The following TSGA10 variants were observed in gnomAD, a reference collection of about 807,000 sequenced individuals.
The protein encoded by TSGA10 is testis specific 10, also known as testis-specific gene 10 protein.
A neutral mutation model predicts 96.6 loss-of-function variants in TSGA10; 43 were observed. That is an observed-to-expected ratio of 0.44 (90% CI 0.35 to 0.57). The LOEUF (loss-of-function observed/expected upper bound fraction) is 0.57. Ranked by LOEUF, TSGA10 falls within the 20% of genes least tolerant of loss-of-function variation. The pLI, the probability that TSGA10 is intolerant of heterozygous loss-of-function variation, is 0.01. For missense variants in TSGA10, 703 were observed against 834.4 expected, an observed-to-expected ratio of 0.84 and a Z score of 1.94; for synonymous variants, 229 against 269.9, an observed-to-expected ratio of 0.85 and a Z score of 1.48.
chr2:99,013,830 A>C (rs1558722259), intron 20 of TSGA10, among the ~76,000 whole-genome samples: 1 of 151,880 alleles, frequency 6.6e-6, no homozygotes, highest in Non-Finnish European at 1.5e-5. Context: ...AGCCTGGCCA[A>C]CATGGTGAAA....
intron 15 of TSGA10, among the ~76,000 whole-genome samples, chr2:99,067,078 C>G (rs1370937371): frequency 6.6e-6 from 1 of 152,068 alleles, no homozygotes; most frequent in Non-Finnish European, 1.5e-5. Flanking sequence ...TCTTTCTTAC[C>G]TCTCCTTTAT....
In TSGA10 at chr2:99,087,159, A is replaced by G. The variant is rs567935449; in HGVS notation, c.612-5762T>C. 1.7e-4 allele frequency among the ~76,000 whole-genome samples: 26 copies of G among 151,336 alleles called. 1 individual carries two copies. In the South Asian group the frequency reaches 5.0e-3, roughly 29 times the overall value. On this transcript the variant is annotated intron_variant, in intron 10 of 20. Coordinates refer to ENST00000393483, the MANE Select transcript of TSGA10 (RefSeq NM_025244.4). ...GCAGAGCTTGCAGTGAGCCAAGATC[A>G]TGCCACTGCACTCCAGCCTGGGCGA...
intron 1 of TSGA10, among the ~76,000 whole-genome samples, chr2:99,137,432 G>A (rs892307112): frequency 6.6e-6 from 1 of 152,240 alleles, no homozygotes; most frequent in Non-Finnish European, 1.5e-5. Flanking sequence ...AAAGAAGGGA[G>A]TACTAGATCT....
At chr2:99,013,303 G>T (rs1014274785) in intron 20 of TSGA10, among the ~76,000 whole-genome samples, 2 of 151,512 alleles carry the variant, frequency 1.3e-5, no homozygotes, top group Non-Finnish European at 2.9e-5. Flanking sequence ...CTTAAGATCA[G>T]ATGATGATGA....
intron 12 of TSGA10, among the ~76,000 whole-genome samples, chr2:99,078,226 G>T (rs890283422): frequency 2.7e-5 from 4 of 145,880 alleles, no homozygotes; most frequent in African/African-American, 1.0e-4. Context: ...AGCCGAGATC[G>T]CGCTACTGCA....
At chr2:99,146,371 T>C (rs2093632155) in intron 1 of TSGA10, among the ~76,000 whole-genome samples, 1 of 152,244 alleles carries the variant, frequency 6.6e-6, no homozygotes, top group South Asian at 2.1e-4. Flanking sequence ...TCTCTTTTTA[T>C]TCCAGCCATT....
At chr2:99,123,199 T>C (rs1235577178) in intron 2 of TSGA10, among the ~76,000 whole-genome samples, 1 of 152,204 alleles carries the variant, frequency 6.6e-6, no homozygotes, top group African/African-American at 2.4e-5. Context: ...TTTTAGTGTC[T>C]TGGCATGCAT....
At chr2:99,068,706 C>T (rs892861903) in intron 15 of TSGA10, among the ~76,000 whole-genome samples, 182 bp downstream of exon 15, 3 of 152,070 alleles carry the variant, frequency 2.0e-5, no homozygotes, top group African/African-American at 7.2e-5. Flanking sequence ...ACAAAAGGGG[C>T]ATATTCTCCA....
intron 1 of TSGA10, 34 bp from the exon 2 acceptor site, chr2:99,127,210 T>C: frequency 3.2e-6 from 4 of 1,239,972 alleles, no homozygotes; most frequent in South Asian, 1.4e-5. Flanking sequence ...TACAGAGGCA[T>C]TCAGTTTAAA....
chr2:99,021,092 GGAA>G (rs1217438544), intron 17 of TSGA10, among the ~76,000 whole-genome samples: 1 of 151,550 alleles, frequency 6.6e-6, no homozygotes, highest in East Asian at 1.9e-4. Context: ...TTAAAAAGGA[GGAA>G]GAACAGTCAC....
intron 20 of TSGA10, among the ~76,000 whole-genome samples, chr2:98,999,749 C>T (rs578188294): frequency 2.0e-5 from 3 of 152,154 alleles, no homozygotes; most frequent in African/African-American, 7.2e-5. Context: ...TTTATTTATA[C>T]TGTTCTATTC....
At chr2:99,147,375 A>T in intron 1 of TSGA10, 1 of 1,196,266 alleles carries the variant, frequency 8.4e-7, no homozygotes. Context: ...CTCTTTATGT[A>T]CCTTTATTCT....
chr2:99,096,684 G>A (rs1188751192), intron 10 of TSGA10, among the ~76,000 whole-genome samples: 1 of 151,964 alleles, frequency 6.6e-6, no homozygotes, highest in African/African-American at 2.4e-5. Flanking sequence ...TTTATAAAAT[G>A]TCACATGTTC....
intron 20 of TSGA10, among the ~76,000 whole-genome samples, chr2:99,008,147 T>C (rs1365082124): frequency 6.6e-6 from 1 of 152,030 alleles, no homozygotes; most frequent in African/African-American, 2.4e-5. Context: ...GAGAGAAAGA[T>C]TTGCTAACTG....
chr2:99,032,515 C>A (rs539918516), intron 17 of TSGA10, among the ~76,000 whole-genome samples: 1 of 152,218 alleles, frequency 6.6e-6, no homozygotes, highest in African/African-American at 2.4e-5. Flanking sequence ...ACTTGGAGAC[C>A]AAGCACCCTG....
rs1340800857 is a variant in TSGA10 at position 99,136,613 on chromosome 2, C to T, written c.-620-9437G>A. ...GAGATCGAGACCATCCCGGCTAAAACGGTGAAACCCCGTCTCTACTAAAAA... is the reference window on the plus strand; with the variant it reads ...GAGATCGAGACCATCCCGGCTAAAATGGTGAAACCCCGTCTCTACTAAAAA... On this transcript the variant is annotated intron_variant, in intron 1 of 20. Transcript: ENST00000393483. Among the ~76,000 whole-genome samples, 57 of 35,818 alleles carry T rather than the reference C, an allele frequency of 1.6e-3. 19 individuals carry two copies. Among genetic ancestry groups the T allele is most frequent in the African/African-American group, 3.4e-3 (54 of 15,820 alleles). The allele number at this position is 35,818 out of a possible 152,430, so 23.5% of individuals were successfully genotyped here. A position where few individuals can be genotyped will look rare whatever the true frequency, so the allele number is the denominator to read the frequency against.
chr2:99,006,960 C>A (rs2078542347), intron 20 of TSGA10, among the ~76,000 whole-genome samples: 1 of 152,170 alleles, frequency 6.6e-6, no homozygotes. Context: ...GAATACTATG[C>A]AGCCATAAAA....
intron 7 of TSGA10, 50 bp downstream of exon 7, chr2:99,108,783 C>T (rs775971757): frequency 7.3e-7 from 1 of 1,364,034 alleles, no homozygotes; most frequent in African/African-American, 1.5e-5. Flanking sequence ...AATTACATAA[C>T]TCTAGAACTC....
At chr2:99,006,707 C>T (rs2078512961) in intron 20 of TSGA10, among the ~76,000 whole-genome samples, 1 of 152,182 alleles carries the variant, frequency 6.6e-6, no homozygotes, top group African/African-American at 2.4e-5. Context: ...GGACTGTAAA[C>T]TAGTTCAACC....
Sources: allele counts gnomAD v4.1 joint callset (sites outside exome capture counted in the v4.1 genomes callset), GRCh38; gene constraint gnomAD v4.1.1; transcripts MANE v1.5; gene names NCBI Gene and HGNC (gene_info 2026-07-23, HGNC 2026-07-21).